Variants in SLX4IP observed in about 807,000 individuals in gnomAD.
The protein encoded by SLX4IP is protein SLX4IP.
SLX4IP carries 34 observed loss-of-function variants against 32.9 expected under a neutral mutation model. The observed-to-expected ratio is 1.03, with a 90% CI of 0.79 to 1.38. SLX4IP has a LOEUF of 1.38. SLX4IP is among the 40% of genes most tolerant of loss of function. The pLI is 0.00. For synonymous variants in SLX4IP, 172 were observed against 171.7 expected, an observed-to-expected ratio of 1.00 and a Z score of -0.01; for missense variants, 444 against 479.0, an observed-to-expected ratio of 0.93 and a Z score of 0.68.
chr20:10,571,526 A>G (rs1200646606), intron 4 of SLX4IP, among the ~76,000 whole-genome samples: 1 of 152,110 alleles, frequency 6.6e-6, no homozygotes, highest in Non-Finnish European at 1.5e-5. Flanking sequence ...GTGCTCAGGT[A>G]TCACCTCCTC....
chr20:10,496,582 T>C (rs1230404574), intron 2 of SLX4IP, among the ~76,000 whole-genome samples: 1 of 152,126 alleles, frequency 6.6e-6, no homozygotes, highest in Non-Finnish European at 1.5e-5. Flanking sequence ...CTCATTCTTA[T>C]AGCTTTATGG....
At chr20:10,529,862 T>G (rs2065973031) in intron 2 of SLX4IP, among the ~76,000 whole-genome samples, 1 of 152,144 alleles carries the variant, frequency 6.6e-6, no homozygotes, top group Non-Finnish European at 1.5e-5. Flanking sequence ...ATCTCTGCCC[T>G]CAGTTTGGAA....
At chr20:10,452,877 G>T (rs1003191760) in intron 1 of SLX4IP, among the ~76,000 whole-genome samples, 4 of 150,810 alleles carry the variant, frequency 2.7e-5, no homozygotes, top group South Asian at 2.1e-4. Context: ...AATAAATAAC[G>T]TAAAAAATTT....
chr20:10,533,416 G>C (rs1170076956), intron 2 of SLX4IP, among the ~76,000 whole-genome samples: 1 of 151,790 alleles, frequency 6.6e-6, no homozygotes, highest in Non-Finnish European at 1.5e-5. Context: ...TGATTCTCCT[G>C]CATCAGCCTC....
At chr20:10,576,766 C>A (rs2066528467) in intron 4 of SLX4IP, among the ~76,000 whole-genome samples, 1 of 152,020 alleles carries the variant, frequency 6.6e-6, no homozygotes, top group African/African-American at 2.4e-5. Flanking sequence ...TAAGTATATA[C>A]CCACAATATA....
rs972529832 is a variant in SLX4IP, at chr20:10,585,231, A to G, written c.239-13444A>G. 2.6e-5 allele frequency among the ~76,000 whole-genome samples: 4 copies of G among 152,172 alleles called. No individual in the cohort carries two copies. The East Asian group carries it at 7.7e-4, about 29-fold the overall frequency. Reference sequence around the variant, plus strand: ...TGAAGCTACCTCCGAAATGCTACCAATCACCTCTCAATTGCCAGCTGAGTA... The same window carrying G: ...TGAAGCTACCTCCGAAATGCTACCAGTCACCTCTCAATTGCCAGCTGAGTA... On this transcript the variant is annotated intron_variant, in intron 4 of 7. Coordinates refer to ENST00000334534, the MANE Select transcript of SLX4IP (RefSeq NM_001009608.3).
intron 2 of SLX4IP, among the ~76,000 whole-genome samples, chr20:10,480,477 T>C (rs1037045786): frequency 1.3e-5 from 2 of 152,162 alleles, no homozygotes; most frequent in Non-Finnish European, 2.9e-5. Flanking sequence ...ATGTGTACTG[T>C]AGATTATATC....
At chr20:10,458,068 C>G (rs1356078686) in intron 1 of SLX4IP, 108 bp from the exon 2 acceptor site, 2 of 615,276 alleles carry the variant, frequency 3.3e-6, no homozygotes. Context: ...ACATTCATCT[C>G]ATAAATACCT....
At chr20:10,513,489 T>C (rs2065827277) in intron 2 of SLX4IP, among the ~76,000 whole-genome samples, 1 of 152,178 alleles carries the variant, frequency 6.6e-6, no homozygotes, top group African/African-American at 2.4e-5. Flanking sequence ...CCATCTTAGG[T>C]ACAAACATCA....
chr20:10,566,138 T>A (rs931600360), intron 4 of SLX4IP, among the ~76,000 whole-genome samples: 1 of 152,148 alleles, frequency 6.6e-6, no homozygotes, highest in Non-Finnish European at 1.5e-5. Flanking sequence ...ATTCCCTGTG[T>A]TCTTCGCCTG....
chr20:10,468,660 C>A (rs1303128883), intron 2 of SLX4IP, among the ~76,000 whole-genome samples: 1 of 152,166 alleles, frequency 6.6e-6, no homozygotes, highest in Non-Finnish European at 1.5e-5. Context: ...CACCCTTCAG[C>A]TTTTTCCAAG....
intron 2 of SLX4IP, among the ~76,000 whole-genome samples, chr20:10,484,569 A>C (rs2122386294): frequency 6.6e-6 from 1 of 152,228 alleles, no homozygotes. Context: ...CAAAATTGTG[A>C]GGTCATTGAG....
intron 4 of SLX4IP, among the ~76,000 whole-genome samples, chr20:10,587,761 T>C (rs752805024): frequency 6.6e-5 from 10 of 152,138 alleles, no homozygotes; most frequent in Non-Finnish European, 1.2e-4. Context: ...GAATAGTCTC[T>C]TCAATAAATG....
chr20:10,459,031 C>T (rs2065312908), intron 2 of SLX4IP, among the ~76,000 whole-genome samples: 1 of 152,170 alleles, frequency 6.6e-6, no homozygotes, highest in Non-Finnish European at 1.5e-5. Flanking sequence ...TCTGTTGTTT[C>T]CTGACTTTTT....
intron 4 of SLX4IP, among the ~76,000 whole-genome samples, chr20:10,568,603 G>A (rs575817033): frequency 6.6e-5 from 10 of 152,224 alleles, no homozygotes; most frequent in Non-Finnish European, 1.3e-4. Context: ...GCTCATGGAT[G>A]TTTCAGGTTT....
chr20:10,519,350 G>A (rs150423117), intron 2 of SLX4IP, among the ~76,000 whole-genome samples: 4 of 151,982 alleles, frequency 2.6e-5, no homozygotes, highest in South Asian at 2.1e-4. Context: ...CCCCATACTC[G>A]TCAGCAGTCA....
intron 2 of SLX4IP, among the ~76,000 whole-genome samples, chr20:10,476,592 A>G (rs918701620): frequency 1.3e-5 from 2 of 152,190 alleles, no homozygotes; most frequent in East Asian, 1.9e-4. Flanking sequence ...TTCACTTCCC[A>G]TAATGACTGA....
intron 2 of SLX4IP, among the ~76,000 whole-genome samples, chr20:10,532,853 G>A (rs947372919): frequency 6.6e-5 from 10 of 151,032 alleles, no homozygotes; most frequent in African/African-American, 2.0e-4. Flanking sequence ...TCGGCTCACT[G>A]TAACCTCTGC....
In SLX4IP at chr20:10,613,969, C is replaced by T. The variant is rs1600157628; in HGVS notation, c.406-7345C>T. ...ATGAGCACAGGAGAGTCCTCGTCCACCGTTCCCTGCTCATCGTACACTGCT... is the reference window on the plus strand; with the variant it reads ...ATGAGCACAGGAGAGTCCTCGTCCATCGTTCCCTGCTCATCGTACACTGCT... On this transcript the variant is annotated intron_variant, in intron 6 of 7. Coordinates refer to ENST00000334534, the MANE Select transcript of SLX4IP (RefSeq NM_001009608.3). 2.1e-5 allele frequency: 25 copies of T among 1,169,498 alleles called. No individual in the cohort carries two copies. In the East Asian group the frequency reaches 5.9e-4, roughly 27 times the overall value. The allele number at this position is 1,169,498 out of a possible 1,614,324, so 72.4% of individuals were successfully genotyped here. A position where few individuals can be genotyped will look rare whatever the true frequency, so the allele number is the denominator to read the frequency against.
Sources: allele counts gnomAD v4.1 joint callset (sites outside exome capture counted in the v4.1 genomes callset), GRCh38; gene constraint gnomAD v4.1.1; transcripts MANE v1.5; gene names NCBI Gene and HGNC (gene_info 2026-07-23, HGNC 2026-07-21).